The following TDRD10 variants were observed in gnomAD, a reference collection of about 807,000 sequenced individuals.
The protein encoded by TDRD10 is tudor domain-containing protein 10.
A neutral mutation model predicts 48.0 loss-of-function variants in TDRD10; 40 were observed. The ratio of observed to expected loss-of-function variants is 0.83; its 90% CI spans 0.65 to 1.09. The LOEUF is 1.09. Ranked by LOEUF, TDRD10 falls within the 50% of genes least tolerant of loss-of-function variation. TDRD10 has a pLI of 0.00. For missense variants in TDRD10, 378 were observed against 434.7 expected, an observed-to-expected ratio of 0.87 and a Z score of 1.16; for synonymous variants, 162 against 170.4, an observed-to-expected ratio of 0.95 and a Z score of 0.38.
Position 154,503,032 on chromosome 1 carries a change from A to C in TDRD10, c.-28+3A>C, listed in dbSNP as rs939542503. On this transcript the variant is annotated splice_donor_region_variant and intron_variant, in intron 1 of 12. Coordinates refer to ENST00000368482, the MANE Select transcript of TDRD10 (RefSeq NM_182499.4). ...ACGCGCGTGGCCCGCGAGACGAGGT[A>C]TGGCTTGTCGGCCCCAGGTCCCGGG... The C allele has an allele frequency of 1.4e-5, 2 of 144,982 alleles. No homozygotes were observed. The highest frequency in any genetic ancestry group is 5.0e-5 in the African/African-American group (2 of 40,242). 9.0% of individuals were successfully genotyped at this position (144,982 alleles called of 1,614,324 possible).
At chr1:154,544,727 G>T (rs988177450) in intron 10 of TDRD10, 68 bp from the exon 11 acceptor site, 16 of 1,569,558 alleles carry the variant, frequency 1.0e-5, no homozygotes, top group Middle Eastern at 1.7e-4. Context: ...CATCCACTTT[G>T]TTGAGGACTG....
intron 8 of TDRD10, among the ~76,000 whole-genome samples, chr1:154,543,630 C>T (rs935744188): frequency 3.3e-5 from 5 of 152,146 alleles, no homozygotes; most frequent in Admixed American, 2.0e-4. Flanking sequence ...GCTCGTGAAT[C>T]ACTTAGGAGG....
chr1:154,512,390 G>A (rs1443366039), intron 4 of TDRD10, among the ~76,000 whole-genome samples: 24 of 152,070 alleles, frequency 1.6e-4, no homozygotes, highest in Admixed American at 1.6e-3. Flanking sequence ...TGTTGCCCAG[G>A]CTGGAGTGCA....
At chr1:154,514,655 A>G (rs1048404150) in intron 4 of TDRD10, among the ~76,000 whole-genome samples, 1 of 152,030 alleles carries the variant, frequency 6.6e-6, no homozygotes, top group African/African-American at 2.4e-5. Context: ...CACCTGTATT[A>G]CTGCCAGGGA....
At position 154,542,873 on chromosome 1, in the gene TDRD10, T is replaced by C. The variant is rs749703795; in HGVS notation, c.503+52T>C. 3.4e-6 allele frequency: 5 copies of C among 1,481,808 alleles called. No individual in the cohort carries two copies. In the African/African-American group the frequency reaches 6.9e-5, roughly 21 times the overall value. The allele number at this position is 1,481,808 out of a possible 1,614,324, so 91.8% of individuals were successfully genotyped here. A position where few individuals can be genotyped will look rare whatever the true frequency, so the allele number is the denominator to read the frequency against. ...GGGCAAATGGCGATTACAGACATCCTCTGTCCCCCAGAGAGTGGGGACAAG... is the reference window on the plus strand; with the variant it reads ...GGGCAAATGGCGATTACAGACATCCCCTGTCCCCCAGAGAGTGGGGACAAG... On this transcript the variant is annotated intron_variant, in intron 8 of 12. Coordinates refer to ENST00000368482, the MANE Select transcript of TDRD10 (RefSeq NM_182499.4).
At chr1:154,530,671 T>C (rs936780048) in intron 6 of TDRD10, among the ~76,000 whole-genome samples, 1 of 152,090 alleles carries the variant, frequency 6.6e-6, no homozygotes, top group Non-Finnish European at 1.5e-5. Context: ...TGGCATTTCT[T>C]TGTATTTTTA....
intron 6 of TDRD10, among the ~76,000 whole-genome samples, chr1:154,532,298 T>C (rs1172704397): frequency 2.0e-5 from 3 of 152,220 alleles, no homozygotes; most frequent in Non-Finnish European, 2.9e-5. Flanking sequence ...CCAGCACTGC[T>C]GCGGGACCTG....
chr1:154,506,772 T>G, intron 1 of TDRD10, 105 bp from the exon 2 acceptor site: 2 of 952,516 alleles, frequency 2.1e-6, no homozygotes, highest in Non-Finnish European at 3.4e-6. Flanking sequence ...GTGGACCACT[T>G]TTGGTTGGGG....
At chr1:154,542,330 C>A (rs1570983062) in intron 7 of TDRD10, among the ~76,000 whole-genome samples, 2 of 152,308 alleles carry the variant, frequency 1.3e-5, no homozygotes, top group East Asian at 3.9e-4. Flanking sequence ...TGGGCTCAAG[C>A]CATCCTCCCT....
In TDRD10 at chr1:154,547,882, T is replaced by TGAA; in HGVS notation, c.*174_*176dup. 2 of 706,420 alleles carry TGAA rather than the reference T, an allele frequency of 2.8e-6. No individual in the cohort carries two copies. The highest frequency in any genetic ancestry group is 4.8e-6 in the Non-Finnish European group (2 of 420,886). 43.8% of individuals were successfully genotyped at this position (706,420 alleles called of 1,614,324 possible). ...TCCCAGCTTCCCTCTCAAAAGAGAG[T>TGAA]GAAGTCTCATTTGTCATGTGTCTTC... is the stretch of plus-strand genomic sequence containing the variant. On this transcript the variant is annotated 3_prime_UTR_variant, in exon 13 of 13. Coordinates refer to ENST00000368482, the MANE Select transcript of TDRD10 (RefSeq NM_182499.4).
chr1:154,535,708 C>T (rs1694885980), intron 6 of TDRD10, among the ~76,000 whole-genome samples: 1 of 152,092 alleles, frequency 6.6e-6, no homozygotes, highest in Non-Finnish European at 1.5e-5. Context: ...AAGACTTGCT[C>T]AGAAAGATAG....
At chr1:154,542,639 G>A in intron 7 of TDRD10, 92 bp from the exon 8 acceptor site, 1 of 961,754 alleles carries the variant, frequency 1.0e-6, no homozygotes, top group African/African-American at 1.6e-5. Context: ...ATGCTTCCTT[G>A]GAGGGCAGGG....
At chr1:154,517,449 C>G (rs1197351771) in intron 4 of TDRD10, among the ~76,000 whole-genome samples, 2 of 136,498 alleles carry the variant, frequency 1.5e-5, no homozygotes, top group Non-Finnish European at 3.1e-5. Context: ...GAGACGGAGT[C>G]TCGTTCTTGT....
rs929855697 is a variant in TDRD10 at position 154,502,267 on chromosome 1, C to T, written c.-790C>T. ...AGGACACCGTGGCTCTCGGAGGCGG[C>T]GGGCGCCGGGGGCTTCCCCCTGCTC... is the stretch of plus-strand genomic sequence containing the variant. On this transcript the variant is annotated 5_prime_UTR_variant, in exon 1 of 13. Coordinates refer to ENST00000368482, the MANE Select transcript of TDRD10 (RefSeq NM_182499.4). 3.1e-5 allele frequency: 7 copies of T among 223,708 alleles called. No individual in the cohort carries two copies. The highest frequency in any genetic ancestry group is 1.4e-4 in the African/African-American group (6 of 43,640). 13.9% of individuals were successfully genotyped at this position (223,708 alleles called of 1,614,324 possible). A position where few individuals can be genotyped will look rare whatever the true frequency, so the allele number is the denominator to read the frequency against.
intron 6 of TDRD10, among the ~76,000 whole-genome samples, chr1:154,533,997 C>T (rs2149341893): frequency 6.6e-6 from 1 of 152,044 alleles, no homozygotes; most frequent in African/African-American, 2.4e-5. Context: ...ACTTCCCAAA[C>T]TGCTGGGATT....
intron 6 of TDRD10, among the ~76,000 whole-genome samples, chr1:154,530,262 G>A (rs562095472): frequency 9.9e-5 from 15 of 152,220 alleles, no homozygotes; most frequent in African/African-American, 3.1e-4. Context: ...TGATCTGCCC[G>A]CCTCGGTCTC....
At position 154,507,245 on chromosome 1, in the gene TDRD10, T is replaced by C. The variant is rs1425458796; in HGVS notation, c.7T>C (p.Trp3Arg). ...GCTGACACCTGTGTTTGACAGGTCC[T>C]GGAACATTAGTCACCCCCAACTCTC... MS[W>R]NISHPQLSDK... Residue 3 changes from tryptophan (W) to arginine (R), a missense_variant, in exon 3 of 13, where the codon TGG (tryptophan) becomes CGG (arginine). Transcript: ENST00000368482. The C allele has an allele frequency of 1.2e-6, 2 of 1,614,078 alleles. No individual in the cohort carries two copies. Among genetic ancestry groups the C allele is most frequent in the Non-Finnish European group, 1.7e-6 (2 of 1,180,016 alleles).
At chr1:154,533,015 T>C (rs886632291) in intron 6 of TDRD10, among the ~76,000 whole-genome samples, 1 of 152,184 alleles carries the variant, frequency 6.6e-6, no homozygotes, top group Admixed American at 6.5e-5. Flanking sequence ...CTCTGTGAGG[T>C]GGGTATGGAA....
chr1:154,538,550 CAAAAAA>C (rs59257227), intron 6 of TDRD10, among the ~76,000 whole-genome samples: 27 of 57,340 alleles, frequency 4.7e-4, no homozygotes, highest in Non-Finnish European at 6.6e-4. Context: ...AACTCTATCT[CAAAAAA>C]AAAAAAAAAA....
Sources: allele counts gnomAD v4.1 joint callset (sites outside exome capture counted in the v4.1 genomes callset), GRCh38; gene constraint gnomAD v4.1.1; transcripts MANE v1.5; gene names NCBI Gene and HGNC (gene_info 2026-07-23, HGNC 2026-07-21).